The following ZNF236 variants were observed in gnomAD, a reference collection of about 807,000 sequenced individuals.
ZNF236 encodes the protein zinc finger protein 236, also known as regulated by glucose.
A neutral mutation model predicts 191.2 loss-of-function variants in ZNF236; 50 were observed. The ratio of observed to expected loss-of-function variants is 0.26; its 90% confidence interval spans 0.21 to 0.33. ZNF236 has a LOEUF of 0.33. Ranked by LOEUF, ZNF236 falls within the 10% of genes least tolerant of loss-of-function variation. The pLI is 1.00. For synonymous variants in ZNF236, 907 were observed against 928.8 expected, an observed-to-expected ratio of 0.98 and a Z score of 0.43; for missense variants, 1,754 against 2,374.5, an observed-to-expected ratio of 0.74 and a Z score of 5.43.
chr18:76,849,283 T>C, intron 1 of ZNF236: 1 of 385,790 alleles, frequency 2.6e-6, no homozygotes, highest in Non-Finnish European at 4.6e-6. Context: ...TTTAAGCTTC[T>C]GAAAAGCCCA....
intron 16 of ZNF236, among the ~76,000 whole-genome samples, chr18:76,911,158 C>G (rs553586648): frequency 6.6e-6 from 1 of 152,198 alleles, no homozygotes; most frequent in South Asian, 2.1e-4. Flanking sequence ...GACTTTTAAA[C>G]ATGTTAGAAG....
intron 30 of ZNF236, among the ~76,000 whole-genome samples, chr18:76,966,721 C>T (rs1003231821): frequency 2.0e-4 from 31 of 152,214 alleles, no homozygotes; most frequent in African/African-American, 5.3e-4. Flanking sequence ...GATTCGCTAA[C>T]GTTCATGCCC....
rs377319400 is a variant in ZNF236 at position 76,956,134 on chromosome 18, C to T, written c.5064C>T (p.His1688=). 2.6e-5 allele frequency: 41 copies of T among 1,567,508 alleles called. No individual in the cohort carries two copies. The highest frequency in any genetic ancestry group is 5.6e-5 in the Admixed American group (3 of 53,312). The part of the protein sequence containing the change: ...SKEVHGRERI[H]GCPVCRKAFK... ...AGGTGCATGGCCGGGAGCGCATCCA[C>T]GGCTGCCCCGTGTGCAGGAAGGCCT... The change falls in exon 28 of 31, where the codon CAC becomes CAT. Residue 1688 remains histidine, a synonymous_variant. Coordinates refer to ENST00000320610, the MANE Select transcript of ZNF236 (RefSeq NM_001306089.2).
intron 1 of ZNF236, among the ~76,000 whole-genome samples, chr18:76,848,170 G>A (rs563133394): frequency 6.6e-6 from 1 of 152,276 alleles, no homozygotes; most frequent in East Asian, 1.9e-4. Flanking sequence ...GGAACTGCAG[G>A]CTGTTTTCTC....
chr18:76,967,067 G>A (rs1276955191), intron 30 of ZNF236, among the ~76,000 whole-genome samples: 1 of 144,440 alleles, frequency 6.9e-6, no homozygotes, highest in South Asian at 2.4e-4. Context: ...TTCGTGAGAT[G>A]TGTTATTTGG....
intron 9 of ZNF236, among the ~76,000 whole-genome samples, chr18:76,891,678 A>G (rs1208578254): frequency 6.6e-6 from 1 of 152,128 alleles, no homozygotes; most frequent in Non-Finnish European, 1.5e-5. Flanking sequence ...ATGCTTGTCC[A>G]TAATTTAATG....
chr18:76,883,979 C>G (rs1292572339), intron 9 of ZNF236, among the ~76,000 whole-genome samples: 1 of 152,184 alleles, frequency 6.6e-6, no homozygotes, highest in Non-Finnish European at 1.5e-5. Flanking sequence ...GATTTATTCA[C>G]TTTTATCAGA....
chr18:76,832,182 C>T (rs546107113), intron 1 of ZNF236, among the ~76,000 whole-genome samples: 17 of 152,212 alleles, frequency 1.1e-4, no homozygotes, highest in Non-Finnish European at 1.6e-4. Context: ...TGGGTTCAAG[C>T]GATTCTTGTA....
chr18:76,889,166 C>G (rs2122681651), intron 9 of ZNF236, among the ~76,000 whole-genome samples: 1 of 152,308 alleles, frequency 6.6e-6, no homozygotes, highest in East Asian at 1.9e-4. Context: ...GATAAATATA[C>G]CTCAGGCCGT....
chr18:76,857,137 G>A (rs1425064410), intron 3 of ZNF236, among the ~76,000 whole-genome samples: 12 of 150,354 alleles, frequency 8.0e-5, no homozygotes. Context: ...GGGCCTCCCC[G>A]CCTCCCCATA....
intron 11 of ZNF236, among the ~76,000 whole-genome samples, chr18:76,901,525 G>A (rs1413560948): frequency 6.6e-6 from 1 of 152,202 alleles, no homozygotes; most frequent in Non-Finnish European, 1.5e-5. Flanking sequence ...TTGGAAGGCC[G>A]AGGTGGGCGA....
intron 1 of ZNF236, among the ~76,000 whole-genome samples, chr18:76,849,047 A>G (rs77272262): frequency 0.012 from 1,784 of 152,326 alleles, 25 homozygotes; most frequent in African/African-American, 0.04. Context: ...TATTTCTACT[A>G]GAGTTTTGTT....
intron 3 of ZNF236, among the ~76,000 whole-genome samples, chr18:76,853,671 C>T (rs756829871): frequency 3.9e-5 from 6 of 152,056 alleles, no homozygotes; most frequent in Non-Finnish European, 8.8e-5. Context: ...TTCAAGAGAT[C>T]TGTTGTACAT....
At chr18:76,926,849 A>G (rs576661338) in intron 22 of ZNF236, among the ~76,000 whole-genome samples, 188 bp from the exon 23 acceptor site, 2 of 127,774 alleles carry the variant, frequency 1.6e-5, no homozygotes, top group African/African-American at 5.8e-5. Context: ...TGTATATGGT[A>G]TAAAGGGTGA....
chr18:76,850,162 A>G (rs1039026471), intron 2 of ZNF236, among the ~76,000 whole-genome samples: 2 of 152,212 alleles, frequency 1.3e-5, no homozygotes, highest in African/African-American at 4.8e-5. Context: ...CAAGAATTTT[A>G]GTGCCTTAAT....
At chr18:76,955,565 C>T (rs1017448929) in intron 27 of ZNF236, among the ~76,000 whole-genome samples, 5 of 152,088 alleles carry the variant, frequency 3.3e-5, no homozygotes, top group East Asian at 1.9e-4. Context: ...TTTGTTGTTA[C>T]GAATTGTTTA....
chr18:76,880,305 G>A lies in ZNF236; in HGVS notation c.1177G>A (p.Asp393Asn). The change falls in exon 8 of 31, where the codon GAC becomes AAC. Residue 393 changes from aspartate to asparagine, a missense_variant. Physicochemically the swap from Asp to Asn is conservative, Grantham distance 23 (BLOSUM62 1). Coordinates refer to ENST00000320610, the MANE Select transcript of ZNF236 (RefSeq NM_001306089.2). This position sits in a 1 kb window ranked among gnomAD's most constrained non-coding sequence, Gnocchi z 5.0. ...GAGCATCACAGTGGGCATCAACCAG[G>A]ACATTTTACAGGTGAAGCACGCTTC... Reference protein sequence around the residue: ...QLSITVGINQDILQQALENSG... With the variant: ...QLSITVGINQNILQQALENSG... 1 of 1,612,078 alleles carries A rather than the reference G, an allele frequency of 6.2e-7. No homozygotes were observed. Among genetic ancestry groups the A allele is most frequent in the Non-Finnish European group, 8.5e-7 (1 of 1,178,576 alleles).
At chr18:76,826,889 T>TTTTTTG (rs200882051) in intron 1 of ZNF236, among the ~76,000 whole-genome samples, 3 of 152,010 alleles carry the variant, frequency 2.0e-5, no homozygotes, top group African/African-American at 7.3e-5. Context: ...CAACAACTAT[T>TTTTTTG]TTTTTGTTTT....
chr18:76,859,122 G>A (rs1316566798), intron 3 of ZNF236, among the ~76,000 whole-genome samples: 2 of 56,354 alleles, frequency 3.5e-5, no homozygotes, highest in African/African-American at 1.6e-4. Flanking sequence ...AGCTGGAGGC[G>A]GGTGCAGGTG....
Sources: allele counts gnomAD v4.1 joint callset (sites outside exome capture counted in the v4.1 genomes callset), GRCh38; gene constraint gnomAD v4.1.1; non-coding constraint Gnocchi (gnomAD v3.1); transcripts MANE v1.5; gene names NCBI Gene and HGNC (gene_info 2026-07-23, HGNC 2026-07-21).